CDK12: variants seen among roughly 807,000 people sequenced by gnomAD.
CDK12 encodes the protein cyclin-dependent kinase 12.
A neutral mutation model predicts 133.8 loss-of-function variants in CDK12; 17 were observed. The ratio of observed to expected loss-of-function variants is 0.13; its 90% CI spans 0.09 to 0.19. The LOEUF is 0.19. Ranked by LOEUF, CDK12 falls within the 10% of genes least tolerant of loss-of-function variation. The pLI is 1.00. For missense variants in CDK12, 1,508 were observed against 1,818.7 expected, an observed-to-expected ratio of 0.83 and a Z score of 3.11; for synonymous variants, 694 against 683.6, an observed-to-expected ratio of 1.02 and a Z score of -0.24.
intron 2 of CDK12, among the ~76,000 whole-genome samples, chr17:39,482,598 C>CTTTTTTTTTTT (rs1440834572): frequency 3.6e-3 from 192 of 53,386 alleles, no homozygotes; most frequent in South Asian, 0.012. Flanking sequence ...CAATCAACTA[C>CTTTTTTTTTTT]ATTTTTTTTT....
At position 39,462,831 on chromosome 17, in the gene CDK12, C is replaced by T; in HGVS notation, c.760C>T (p.His254Tyr). The T allele has an allele frequency of 6.2e-7, 1 of 1,614,156 alleles. No homozygotes were observed. Among genetic ancestry groups the T allele is most frequent in the Non-Finnish European group, 8.5e-7 (1 of 1,180,030 alleles). Residue 254 changes from histidine (H) to tyrosine (Y), a missense_variant, in exon 1 of 14, where the codon CAT becomes TAT. Transcript: ENST00000447079. ...QDYDLSPSRSHTSSNYDSYKK... is the reference protein window; with the variant it reads ...QDYDLSPSRSYTSSNYDSYKK... ...TTATGACCTTAGTCCCTCACGATCT[C>T]ATACCTCGAGCAATTATGACTCCTA... is the stretch of plus-strand genomic sequence containing the variant.
At chr17:39,562,906 T>TC (rs2056432086) in intron 3 of CDK12, among the ~76,000 whole-genome samples, 2 of 130,846 alleles carry the variant, frequency 1.5e-5, no homozygotes, top group Non-Finnish European at 3.6e-5. Flanking sequence ...TCTTTTCTTT[T>TC]TTTTTTTTTT....
At chr17:39,476,639 C>T (rs2050211841) in intron 2 of CDK12, among the ~76,000 whole-genome samples, 1 of 148,350 alleles carries the variant, frequency 6.7e-6, no homozygotes, top group Admixed American at 6.9e-5. Flanking sequence ...TCAGGAACTC[C>T]TGATCTCAGG....
chr17:39,564,054 C>T (rs965532933), intron 3 of CDK12, among the ~76,000 whole-genome samples: 2 of 152,192 alleles, frequency 1.3e-5, no homozygotes, highest in South Asian at 2.1e-4. Context: ...AGTCTGTACT[C>T]GCCCTTTAGA....
chr17:39,536,273 C>T (rs537182124), downstream of CDK12, among the ~76,000 whole-genome samples: 3 of 152,242 alleles, frequency 2.0e-5, no homozygotes, highest in Non-Finnish European at 4.4e-5. Flanking sequence ...CTTAACCCTA[C>T]CAGGTATTTA....
rs2051914524 is a variant in CDK12 at position 39,494,520 on chromosome 17, G to T, written c.2249-4G>T. The T allele has an allele frequency of 6.2e-7, 1 of 1,613,294 alleles. No homozygotes were observed. Among genetic ancestry groups the T allele is most frequent in the African/African-American group, 1.3e-5 (1 of 74,984 alleles). On this transcript the variant is annotated splice_polypyrimidine_tract_variant and splice_region_variant and intron_variant, in intron 4 of 13. Transcript: ENST00000447079. The stretch of plus-strand genomic sequence containing the variant: ...ATAATAACAGTTTACATTTGTTTTG[G>T]CAGGAGAACTAGTGGCTCTGAAGAA...
At chr17:39,552,813 C>G (rs1273710350) in intron 2 of CDK12, among the ~76,000 whole-genome samples, 1 of 152,186 alleles carries the variant, frequency 6.6e-6, no homozygotes, top group African/African-American at 2.4e-5. Context: ...ACTGCAACCT[C>G]TGCCTCCTGG....
At chr17:39,475,929 A>G (rs1159126815) in intron 2 of CDK12, among the ~76,000 whole-genome samples, 1 of 152,090 alleles carries the variant, frequency 6.6e-6, no homozygotes, top group Non-Finnish European at 1.5e-5. Context: ...GATAAAAGCC[A>G]TATTTTTATA....
rs2049027036 is a variant in CDK12 at position 39,462,520 on chromosome 17, G to A, written c.449G>A (p.Ser150Asn). The A allele has an allele frequency of 6.2e-7, 1 of 1,614,026 alleles. No individual in the cohort carries two copies. Among genetic ancestry groups the A allele is most frequent in the African/African-American group, 1.3e-5 (1 of 74,916 alleles). Residue 150 changes from serine to asparagine, a missense_variant, in exon 1 of 14, where the codon AGT (serine) becomes AAT (asparagine). Around this residue, in one of 9 missense-constraint regions of CDK12, gnomAD observed 460 missense variants for 490.8 expected, o/e 0.94. Coordinates refer to ENST00000447079, the MANE Select transcript of CDK12 (RefSeq NM_016507.4). ...TCGATGAAGGACCGGATATCGGGAA[G>A]TTCAAAGCGTTCGAATGAGGAGACT... ...SGSMKDRISG[S>N]SKRSNEETDD...
rs752946888 is a variant in CDK12 at position 39,524,683 on chromosome 17, C to G, written c.3105C>G (p.His1035Gln). 3.1e-6 allele frequency: 5 copies of G among 1,614,034 alleles called. No individual in the cohort carries two copies. The highest frequency in any genetic ancestry group is 1.7e-4 in the Middle Eastern group (1 of 6,060). Residue 1035 changes from histidine to glutamine, a missense_variant, in exon 12 of 14, where the codon CAC (histidine) becomes CAG (glutamine). Physicochemically the swap from His to Gln is conservative, Grantham distance 24. Around this residue, in one of 9 missense-constraint regions of CDK12, gnomAD observed 399 missense variants for 469.6 expected, o/e 0.85. Transcript: ENST00000447079. Reference sequence around the variant, plus strand: ...CTTTGTCTTTTTCCAGCCTCCCCCACTGGCAGGATTGCCATGAGTTGTGGA... The same window carrying G: ...CTTTGTCTTTTTCCAGCCTCCCCCAGTGGCAGGATTGCCATGAGTTGTGGA... The part of the protein sequence containing the change: ...LSKMAPPDLP[H>Q]WQDCHELWSK...
At chr17:39,493,558 T>G (rs1043149748) in intron 4 of CDK12, among the ~76,000 whole-genome samples, 3 of 150,710 alleles carry the variant, frequency 2.0e-5, no homozygotes, top group Non-Finnish European at 4.4e-5. Flanking sequence ...ACTCCTAACC[T>G]GAAATAGCCA....
chr17:39,538,721 AC>A (rs1263169712), downstream of CDK12, among the ~76,000 whole-genome samples: 2 of 152,046 alleles, frequency 1.3e-5, no homozygotes, highest in African/African-American at 4.8e-5. Context: ...ACACGGTGAA[AC>A]CCCATCTCTA....
intron 2 of CDK12, among the ~76,000 whole-genome samples, chr17:39,552,815 G>A (rs1433923864): frequency 6.6e-6 from 1 of 152,074 alleles, no homozygotes; most frequent in Non-Finnish European, 1.5e-5. Flanking sequence ...TGCAACCTCT[G>A]CCTCCTGGGA....
Position 39,531,303 on chromosome 17 carries a change from G to A in CDK12, c.4460G>A (p.Gly1487Glu). The A allele has an allele frequency of 1.3e-6, 2 of 1,490,376 alleles. No homozygotes were observed. Among genetic ancestry groups the A allele is most frequent in the Non-Finnish European group, 1.8e-6 (2 of 1,123,092 alleles). 92.3% of individuals were successfully genotyped at this position (1,490,376 alleles called of 1,614,324 possible). A position where few individuals can be genotyped will look rare whatever the true frequency, so the allele number is the denominator to read the frequency against. ...CCACCAAGAGGGGGAAGAGGGAGAG[G>A]AGTTCCTTACTAACCCAGAGACTTC... ...RVPPRGGRGR[G>E]VPY Residue 1487 changes from glycine to glutamate, a missense_variant, in exon 14 of 14, where the codon GGA becomes GAA. Gly to Glu is a moderately conservative substitution (Grantham distance 98). This residue lies in a region of CDK12 where 114 missense variants were observed against 101.2 expected (regional missense o/e 1.13). Transcript: ENST00000447079.
At chr17:39,494,773 C>CTT (rs71147348) in intron 5 of CDK12, 79 bp downstream of exon 5, 1,240 of 786,472 alleles carry the variant, frequency 1.6e-3, no homozygotes, top group Middle Eastern at 3.3e-3. Flanking sequence ...TTCTTTCTTT[C>CTT]TTTTTTTTTT....
intron 2 of CDK12, among the ~76,000 whole-genome samples, chr17:39,474,192 C>T (rs1289540276): frequency 6.6e-6 from 1 of 152,218 alleles, no homozygotes; most frequent in Non-Finnish European, 1.5e-5. Context: ...TGATATTGTG[C>T]TCTTTGGGAT....
rs753879165 is a variant in CDK12, at chr17:39,471,330, A to T, written c.1498A>T (p.Thr500Ser). ...HLVKDLKAQG[T>S]RDSKPIALKE... ...TGTTAAAGATTTGAAAGCACAGGGA[A>T]CAAGAGACTCTAAACCCATAGCACT... Residue 500 changes from threonine to serine, a missense_variant, in exon 2 of 14, where the codon ACA becomes TCA. Thr to Ser is a moderately conservative substitution (Grantham distance 58, BLOSUM62 1). Coordinates refer to ENST00000447079, the MANE Select transcript of CDK12 (RefSeq NM_016507.4). The T allele has an allele frequency of 1.9e-6, 3 of 1,613,946 alleles. No individual in the cohort carries two copies.
intron 2 of CDK12, among the ~76,000 whole-genome samples, chr17:39,472,063 A>G (rs1381098473): frequency 6.6e-6 from 1 of 152,072 alleles, no homozygotes; most frequent in Non-Finnish European, 1.5e-5. Flanking sequence ...AGCTTACTGC[A>G]ACATCTGCCT....
intron 9 of CDK12, among the ~76,000 whole-genome samples, chr17:39,516,050 C>T (rs995935786): frequency 6.6e-6 from 1 of 152,100 alleles, no homozygotes; most frequent in Non-Finnish European, 1.5e-5. Flanking sequence ...TAAAAGCATA[C>T]CATTTTGGGG....
Sources: gnomAD v4.1 joint callset for allele counts (sites outside exome capture counted in the v4.1 genomes callset) on GRCh38, gnomAD v4.1.1 for gene constraint, gnomAD v4.1.1 regional missense constraint, MANE v1.5 for transcripts, NCBI Gene and HGNC (gene_info 2026-07-23, HGNC 2026-07-21) for gene names.